UMOD: variants seen among roughly 807,000 people sequenced by gnomAD.
The protein encoded by UMOD is Tamm-Horsfall urinary glycoprotein.
Under a neutral mutation model 66.0 loss-of-function variants are expected in UMOD, and 64 were observed. That is an observed-to-expected ratio of 0.97 (90% CI 0.79 to 1.19). The LOEUF (loss-of-function observed/expected upper bound fraction) is 1.19. UMOD is among the 50% of genes most tolerant of loss of function. The pLI is 0.00. For synonymous variants in UMOD, 398 were observed against 352.7 expected (o/e 1.13, Z -1.44); for missense variants, 764 against 850.9 (o/e 0.90, Z 1.27).
At chr16:20,352,039 A>C (rs993588626) in intron 1 of UMOD, among the ~76,000 whole-genome samples, 5 of 139,860 alleles carry the variant, frequency 3.6e-5, no homozygotes, top group African/African-American at 5.7e-5. Flanking sequence ...AAAAGACAGA[A>C]AGAAAGAAAA....
rs200399798 is a variant in UMOD, at chr16:20,336,651, C to T, written c.1817G>A (p.Arg606Gln). The T allele has an allele frequency of 4.0e-5, 65 of 1,613,992 alleles. No individual in the cohort carries two copies. Among genetic ancestry groups the T allele is most frequent in the Non-Finnish European group, 4.9e-5 (58 of 1,179,900 alleles). Residue 606 changes from arginine to glutamine, a missense_variant, in exon 9 of 11, where the codon CGG becomes CAG. Coordinates refer to ENST00000396138, the MANE Select transcript of UMOD (RefSeq NM_003361.4). ...SRVLNLGPIT[R>Q]KGVQATVSRA... ...GGAGCGAGTGGCTCTCTTACCTTTC[C>T]GTGTGATGGGACCCAAGTTCAGGAC...
Position 20,348,462 on chromosome 16 carries a change from G to C in UMOD, c.839C>G (p.Pro280Arg). ...TGTGCAGTACGCCAGGTGACACTCG[G>C]GGGGCGCTGTCAGGTTGTAGACGTA... ...GYYVYNLTAPPECHLAYCTDP... is the reference protein window; with the variant it reads ...GYYVYNLTAPRECHLAYCTDP... Residue 280 changes from proline (P) to arginine (R), a missense_variant, in exon 3 of 11, where the codon CCC (proline) becomes CGC (arginine). Physicochemically the swap from Pro to Arg is moderately radical, Grantham distance 103 (BLOSUM62 -2). Coordinates refer to ENST00000396138, the MANE Select transcript of UMOD (RefSeq NM_003361.4). 6.2e-7 allele frequency: 1 copy of C among 1,613,454 alleles called. No homozygotes were observed. The highest frequency in any genetic ancestry group is 1.3e-5 in the African/African-American group (1 of 75,068).
Position 20,349,807 on chromosome 16 carries a change from C to G in UMOD, c.89-595G>C, listed in dbSNP as rs1423774097. 7.7e-6 allele frequency: 12 copies of G among 1,550,124 alleles called. No individual in the cohort carries two copies. In the African/African-American group the frequency reaches 9.6e-5, roughly 12 times the overall value. On this transcript the variant is annotated intron_variant, in intron 2 of 10. Transcript: ENST00000396138. ...GTGAAATCTTCATCAGGACCCTGCT[C>G]AGTGTCGCCTCCTCTCTGCGGAGTC...
upstream of UMOD, chr16:20,353,013 A>T (rs546205056): frequency 1.2e-4 from 36 of 311,220 alleles, 1 homozygote; most frequent in Middle Eastern, 1.7e-3. Context: ...CTGGGAAAGC[A>T]GTGCCAAGGT....
At chr16:20,339,955 C>G (rs769047561) in intron 7 of UMOD, among the ~76,000 whole-genome samples, 9 of 152,048 alleles carry the variant, frequency 5.9e-5, no homozygotes, top group Admixed American at 1.3e-4. Flanking sequence ...AGGTAGCACA[C>G]TTGTGTCCTA....
chr16:20,344,273 G>T, intron 5 of UMOD, 101 bp from the exon 6 acceptor site: 1 of 1,241,300 alleles, frequency 8.1e-7, no homozygotes. Context: ...CTCATGTCTG[G>T]CTACTTGTGA....
Position 20,341,315 on chromosome 16 carries a change from G to A in UMOD, c.1353C>T (p.Gly451=), listed in dbSNP as rs111904030. The part of the protein sequence containing the change: ...PMVSALNIRV[G]GTGMFTVRMA... ...TCCGCACGGTGAACATGCCGGTCCC[G>A]CCCACTCTGATGTTTAGAGCACTGC... The change falls in exon 7 of 11, where the codon GGC becomes GGT. Residue 451 remains glycine, a synonymous_variant. Coordinates refer to ENST00000396138, the MANE Select transcript of UMOD (RefSeq NM_003361.4). 2.3e-5 allele frequency: 37 copies of A among 1,613,796 alleles called. No individual in the cohort carries two copies. The highest frequency in any genetic ancestry group is 3.3e-5 in the South Asian group (3 of 91,066).
In UMOD at chr16:20,348,254, G is replaced by T. The variant is rs1596560828; in HGVS notation, c.942C>A (p.His314Gln). 1.9e-6 allele frequency: 3 copies of T among 1,614,162 alleles called. No homozygotes were observed. Among genetic ancestry groups the T allele is most frequent in the Non-Finnish European group, 2.5e-6 (3 of 1,180,034 alleles). ...EDCKSNNGRW[H>Q]CQCKQDFNIT... is the part of the protein sequence containing the mutation. ...TGTTGAAGTCCTGTTTGCACTGGCAGTGCCATCTGCCATTATTCGATTTGC... is the reference window on the plus strand; with the variant it reads ...TGTTGAAGTCCTGTTTGCACTGGCATTGCCATCTGCCATTATTCGATTTGC... Residue 314 changes from histidine (H) to glutamine (Q), a missense_variant, in exon 4 of 11, where the codon CAC becomes CAA. His to Gln is a conservative substitution (Grantham distance 24). Coordinates refer to ENST00000396138, the MANE Select transcript of UMOD (RefSeq NM_003361.4).
intron 5 of UMOD, among the ~76,000 whole-genome samples, chr16:20,345,138 C>G (rs911570990): frequency 6.6e-6 from 1 of 152,206 alleles, no homozygotes; most frequent in African/African-American, 2.4e-5. Context: ...CTCAGCCTCC[C>G]GAGTAGCTGG....
chr16:20,344,196 G>C, intron 5 of UMOD, 24 bp from the exon 6 acceptor site: 1 of 1,463,202 alleles, frequency 6.8e-7, no homozygotes, highest in Non-Finnish European at 9.5e-7. Flanking sequence ...TGGGGGTGGA[G>C]GGGGGGTGGG....
At chr16:20,346,756 C>T (rs1035279197) in intron 4 of UMOD, among the ~76,000 whole-genome samples, 5 of 152,038 alleles carry the variant, frequency 3.3e-5, no homozygotes, top group Admixed American at 6.5e-5. Flanking sequence ...AATGAGAATA[C>T]GCATCTCCCA....
rs759032284 is a variant in UMOD at position 20,348,230 on chromosome 16, G to C, written c.966C>G (p.Asn322Lys). 6.2e-7 allele frequency: 1 copy of C among 1,613,966 alleles called. No homozygotes were observed. The highest frequency in any genetic ancestry group is 8.5e-7 in the Non-Finnish European group (1 of 1,179,974). The change falls in exon 4 of 11, where the codon AAC becomes AAG. Residue 322 changes from asparagine to lysine, a missense_variant. Coordinates refer to ENST00000396138, the MANE Select transcript of UMOD (RefSeq NM_003361.4). ...CCTCCCCACTGGCCTCACCAGTGAT[G>C]TTGAAGTCCTGTTTGCACTGGCAGT... ...RWHCQCKQDF[N>K]ITDISLLEHR...
In UMOD at chr16:20,350,750, T is replaced by TCCCGCTACTTCAGGTCTAGATAGCACCTG; in HGVS notation, c.-42_-14dup. The TCCCGCTACTTCAGGTCTAGATAGCACCTG allele has an allele frequency of 6.2e-7, 1 of 1,614,172 alleles. No individual in the cohort carries two copies. Among genetic ancestry groups the TCCCGCTACTTCAGGTCTAGATAGCACCTG allele is most frequent in the Non-Finnish European group, 8.5e-7 (1 of 1,180,008 alleles). The stretch of plus-strand genomic sequence containing the variant: ...ATGGCTGCCCCATCCTTTCTGCTCT[T>TCCCGCTACTTCAGGTCTAGATAGCACCTG]CCCGCTACTTCAGGTCTAGATAGCA... On this transcript the variant is annotated 5_prime_UTR_variant, in exon 2 of 11. Transcript: ENST00000396138.
chr16:20,344,317 C>G (rs772995558), intron 5 of UMOD, 145 bp from the exon 6 acceptor site: 1 of 846,848 alleles, frequency 1.2e-6, no homozygotes, highest in Non-Finnish European at 1.9e-6. Flanking sequence ...AAAAAGCTGC[C>G]TGTGGCCGGG....
intron 8 of UMOD, among the ~76,000 whole-genome samples, chr16:20,337,047 C>CT (rs1200303155): frequency 6.6e-6 from 1 of 152,186 alleles, no homozygotes; most frequent in African/African-American, 2.4e-5. Flanking sequence ...AAAATGTCAG[C>CT]TCCTGTTATT....
chr16:20,347,956 T>A (rs1360949642), intron 4 of UMOD, among the ~76,000 whole-genome samples: 1 of 152,068 alleles, frequency 6.6e-6, no homozygotes. Context: ...GTGCCCACTG[T>A]GGTGTGGGCC....
chr16:20,342,725 A>T (rs1162174249), intron 6 of UMOD, among the ~76,000 whole-genome samples: 2 of 152,196 alleles, frequency 1.3e-5, no homozygotes, highest in Non-Finnish European at 2.9e-5. Context: ...GTATAATGGG[A>T]ATAGTAATAA....
intron 6 of UMOD, among the ~76,000 whole-genome samples, chr16:20,343,260 T>TA (rs34115067): frequency 9.9e-5 from 15 of 152,060 alleles, no homozygotes; most frequent in East Asian, 3.9e-4. Flanking sequence ...AGATTCCTTT[T>TA]AAAAAAAATA....
rs1207212814 is a variant in UMOD at position 20,335,535 on chromosome 16, A to G, written c.1823-15T>C. Reference sequence around the variant, plus strand: ...GGCCTGGACACCTTTGGAGGAAAACAGAAGGATCAGTGAATAAAGAATGCA... The same window carrying G: ...GGCCTGGACACCTTTGGAGGAAAACGGAAGGATCAGTGAATAAAGAATGCA... On this transcript the variant is annotated splice_polypyrimidine_tract_variant and intron_variant, in intron 9 of 10. Transcript: ENST00000396138. 1 of 1,613,916 alleles carries G rather than the reference A, an allele frequency of 6.2e-7. No homozygotes were observed.
Sources: allele counts gnomAD v4.1 joint callset (sites outside exome capture counted in the v4.1 genomes callset), GRCh38; gene constraint gnomAD v4.1.1; transcripts MANE v1.5; gene names NCBI Gene and HGNC (gene_info 2026-07-23, HGNC 2026-07-21).